The following PLAGL1 variants were observed in gnomAD, a reference collection of about 807,000 sequenced individuals.
PLAGL1 encodes the protein zinc finger protein PLAGL1.
A neutral mutation model predicts 4.6 loss-of-function variants in PLAGL1; 1 was observed. That is an observed-to-expected ratio of 0.22 (90% CI 0.08 to 1.03). PLAGL1 has a LOEUF of 1.03. Among genes scored for constraint, PLAGL1 ranks in the 50% least tolerant of loss-of-function variants. PLAGL1 has a pLI of 0.58. For synonymous variants in PLAGL1, 240 were observed against 237.8 expected (o/e 1.01, Z -0.08); for missense variants, 464 against 570.4 (o/e 0.81, Z 1.90).
chr6:143,944,940 C>T (rs1779440678), intron 7 of PLAGL1, among the ~76,000 whole-genome samples: 1 of 151,864 alleles, frequency 6.6e-6, no homozygotes, highest in African/African-American at 2.4e-5. Flanking sequence ...AACGACTGCA[C>T]CTGGTTATTT....
chr6:143,987,626 G>A (rs892774763), intron 1 of PLAGL1, among the ~76,000 whole-genome samples: 20 of 151,932 alleles, frequency 1.3e-4, no homozygotes, highest in Non-Finnish European at 1.2e-4. Context: ...ACCACCCTAC[G>A]ATGCCTGTTT....
rs1433677057 is a variant in PLAGL1, at chr6:144,005,252, T to G, written c.-584+2838A>C. On this transcript the variant is annotated intron_variant, in intron 1 of 7. Transcript: ENST00000674357. The surrounding 1 kb of genome is among the most constrained non-coding windows in gnomAD (Gnocchi z 4.6). ...TTGGAACTAGACTACTTTCTACAAA[T>G]CTCTTAGGGGAAGAAAAAATATCAC... 6.6e-6 allele frequency: 1 copy of G among 152,058 alleles called. No individual in the cohort carries two copies. Among genetic ancestry groups the G allele is most frequent in the African/African-American group, 2.4e-5 (1 of 41,396 alleles). The allele number at this position is 152,058 out of a possible 1,614,324, so 9.4% of individuals were successfully genotyped here.
intron 1 of PLAGL1, among the ~76,000 whole-genome samples, chr6:144,033,938 G>C (rs1299456666): frequency 6.6e-6 from 1 of 152,144 alleles, no homozygotes; most frequent in African/African-American, 2.4e-5. Flanking sequence ...TATTATAAAT[G>C]TGCTCCAAAC....
chr6:144,023,094 A>C (rs1056660334), intron 1 of PLAGL1, among the ~76,000 whole-genome samples: 3 of 152,256 alleles, frequency 2.0e-5, no homozygotes, highest in Admixed American at 2.0e-4. Flanking sequence ...ACCATGGAAG[A>C]AACTTAATGC....
chr6:143,945,986 A>G lies in PLAGL1; in HGVS notation c.152+1999T>C, dbSNP rs1283202760. On this transcript the variant is annotated intron_variant, in intron 7 of 7. Coordinates refer to ENST00000674357, the MANE Select transcript of PLAGL1 (RefSeq NM_001317162.2). This position sits in a 1 kb window ranked among gnomAD's most constrained non-coding sequence, Gnocchi z 4.2. Reference sequence around the variant, plus strand: ...TGCTAAGAACAACTACCTTCTAAACATGACTTAAGACTTCTTTTTCAGCGC... The same window carrying G: ...TGCTAAGAACAACTACCTTCTAAACGTGACTTAAGACTTCTTTTTCAGCGC... Among the ~76,000 whole-genome samples the G allele has an allele frequency of 6.6e-6, 1 of 152,126 alleles. No homozygotes were observed. The highest frequency in any genetic ancestry group is 1.5e-5 in the Non-Finnish European group (1 of 68,022).
At position 143,957,306 on chromosome 6, in the gene PLAGL1, G is replaced by A. The variant is rs1034914493; in HGVS notation, c.-325+3163C>T. Among the ~76,000 whole-genome samples the A allele has an allele frequency of 2.7e-5, 4 of 150,512 alleles. No homozygotes were observed. Among genetic ancestry groups the A allele is most frequent in the African/African-American group, 9.8e-5 (4 of 40,984 alleles). ...AGACTCTCAGGAGTCTGGTGGGGGG[G>A]TGAGGGGTGGAGAGCAACTCCCAAA... On this transcript the variant is annotated intron_variant, in intron 6 of 7. Transcript: ENST00000674357. This position sits in a 1 kb window ranked among gnomAD's most constrained non-coding sequence, Gnocchi z 4.2.
chr6:144,041,592 T>C (rs948966153), intron 1 of PLAGL1, among the ~76,000 whole-genome samples: 1 of 152,236 alleles, frequency 6.6e-6, no homozygotes, highest in East Asian at 1.9e-4. Flanking sequence ...TTGTTGGACA[T>C]TTGGCTTGGT....
intron 1 of PLAGL1, among the ~76,000 whole-genome samples, chr6:144,058,355 A>G (rs974479368): frequency 6.6e-6 from 1 of 152,158 alleles, no homozygotes; most frequent in Non-Finnish European, 1.5e-5. Flanking sequence ...TGATCCAATC[A>G]TCTCTCACCA....
chr6:143,987,016 C>A (rs1250779658), intron 1 of PLAGL1, among the ~76,000 whole-genome samples: 8 of 152,092 alleles, frequency 5.3e-5, no homozygotes, highest in Admixed American at 5.2e-4. Flanking sequence ...TGCTATTATT[C>A]TTGACTTTCT....
At position 143,992,985 on chromosome 6, in the gene PLAGL1, A is replaced by G. The variant is rs563913564; in HGVS notation, c.-583-7811T>C. Among the ~76,000 whole-genome samples, 41 of 151,596 alleles carry G rather than the reference A, an allele frequency of 2.7e-4. 1 individual carries two copies. In the South Asian group the frequency reaches 4.8e-3, roughly 18 times the overall value. ...AGAGTGAGTGAGACTCCATCTCAAA[A>G]AAACAAACAAACAAACACACACACA... is the stretch of plus-strand genomic sequence containing the variant. On this transcript the variant is annotated intron_variant, in intron 1 of 7. Coordinates refer to ENST00000674357, the MANE Select transcript of PLAGL1 (RefSeq NM_001317162.2).
At chr6:144,023,415 G>A (rs750014784) in intron 1 of PLAGL1, among the ~76,000 whole-genome samples, 3 of 152,010 alleles carry the variant, frequency 2.0e-5, no homozygotes, top group East Asian at 1.9e-4. Context: ...TGCAGACAGC[G>A]ACAAAAGAAT....
upstream of PLAGL1, among the ~76,000 whole-genome samples, chr6:144,009,999 A>G (rs1459439781): frequency 6.6e-6 from 1 of 152,214 alleles, no homozygotes; most frequent in Non-Finnish European, 1.5e-5. Flanking sequence ...GTGTCTTTAC[A>G]GTAGAATGAT....
intron 1 of PLAGL1, among the ~76,000 whole-genome samples, chr6:144,049,698 AC>A (rs1355186378): frequency 6.6e-6 from 1 of 152,172 alleles, no homozygotes; most frequent in African/African-American, 2.4e-5. Flanking sequence ...CTCTCCCTAG[AC>A]ATGTAGGGAT....
At chr6:143,993,202 G>T (rs758260358) in intron 1 of PLAGL1, among the ~76,000 whole-genome samples, 1 of 151,752 alleles carries the variant, frequency 6.6e-6, no homozygotes, top group Non-Finnish European at 1.5e-5. Flanking sequence ...TACTCAGGAG[G>T]CTGGGGCAGG....
rs1788436315 is a variant in PLAGL1 at position 143,983,681 on chromosome 6, G to A, written c.-544+1454C>T. Among the ~76,000 whole-genome samples the A allele has an allele frequency of 6.6e-6, 1 of 152,034 alleles. No homozygotes were observed. Among genetic ancestry groups the A allele is most frequent in the Non-Finnish European group, 1.5e-5 (1 of 68,006 alleles). On this transcript the variant is annotated intron_variant, in intron 2 of 7. Coordinates refer to ENST00000674357, the MANE Select transcript of PLAGL1 (RefSeq NM_001317162.2). The surrounding 1 kb of genome is among the most constrained non-coding windows in gnomAD (Gnocchi z 6.6). Reference sequence around the variant, plus strand: ...ATGAGTGATTTTAATGAGAGGGTAGGCTATTGACGTTGAGTAAGGGAGGAT... The same window carrying A: ...ATGAGTGATTTTAATGAGAGGGTAGACTATTGACGTTGAGTAAGGGAGGAT...
In PLAGL1 at chr6:143,979,712, A is replaced by G. The variant is rs566008545; in HGVS notation, c.-544+5423T>C. On this transcript the variant is annotated intron_variant, in intron 2 of 7. Coordinates refer to ENST00000674357, the MANE Select transcript of PLAGL1 (RefSeq NM_001317162.2). This position sits in a 1 kb window ranked among gnomAD's most constrained non-coding sequence, Gnocchi z 4.6. ...AAACCATCTTTTAAAAAATATTAATAATAATCATCATCGTATGTATTTATT... is the reference window on the plus strand; with the variant it reads ...AAACCATCTTTTAAAAAATATTAATGATAATCATCATCGTATGTATTTATT... Among the ~76,000 whole-genome samples the G allele has an allele frequency of 6.6e-6, 1 of 152,202 alleles. No homozygotes were observed. Among genetic ancestry groups the G allele is most frequent in the African/African-American group, 2.4e-5 (1 of 41,570 alleles).
chr6:144,047,235 C>T (rs999442282), intron 1 of PLAGL1, among the ~76,000 whole-genome samples: 3 of 152,200 alleles, frequency 2.0e-5, no homozygotes, highest in Admixed American at 2.0e-4. Context: ...TGAGATGAAC[C>T]AGGTACCTCG....
rs1781419695 is a variant in PLAGL1, at chr6:143,953,165, C to T, written c.-324-4705G>A. Among the ~76,000 whole-genome samples, 1 of 152,248 alleles carries T rather than the reference C, an allele frequency of 6.6e-6. No homozygotes were observed. Among genetic ancestry groups the T allele is most frequent in the African/African-American group, 2.4e-5 (1 of 41,464 alleles). ...CAGGCAGAGGCACGAGTTCCTCCTC[C>T]ACACGGTGAGGTGTTTACTCAATGG... is the stretch of plus-strand genomic sequence containing the variant. On this transcript the variant is annotated intron_variant, in intron 6 of 7. Transcript: ENST00000674357. The surrounding 1 kb of genome is among the most constrained non-coding windows in gnomAD (Gnocchi z 5.3).
At chr6:143,991,875 G>A (rs1257748403) in intron 1 of PLAGL1, among the ~76,000 whole-genome samples, 1 of 152,180 alleles carries the variant, frequency 6.6e-6, no homozygotes, top group African/African-American at 2.4e-5. Flanking sequence ...TCTGTTTGCA[G>A]GAGATGTGGA....
Sources: gnomAD v4.1 joint callset for allele counts (sites outside exome capture counted in the v4.1 genomes callset) on GRCh38, gnomAD v4.1.1 for gene constraint, Gnocchi (gnomAD v3.1) non-coding constraint, MANE v1.5 for transcripts, NCBI Gene and HGNC (gene_info 2026-07-23, HGNC 2026-07-21) for gene names.